The following SLC22A23 variants were observed in gnomAD, a reference collection of about 807,000 sequenced individuals.
The protein encoded by SLC22A23 is solute carrier family 22 member 23, also known as ion transporter protein.
Under a neutral mutation model 61.0 loss-of-function variants are expected in SLC22A23, and 26 were observed. That is an observed-to-expected ratio of 0.43 (90% CI 0.31 to 0.59). The LOEUF (loss-of-function observed/expected upper bound fraction) is 0.59. Among genes scored for constraint, SLC22A23 ranks in the 20% least tolerant of loss-of-function variants. The pLI is 0.11. For missense variants in SLC22A23, 796 were observed against 934.7 expected (o/e 0.85, Z 1.94); for synonymous variants, 430 against 413.9 (o/e 1.04, Z -0.47).
At chr6:3,337,035 T>C (rs1763897003) in intron 3 of SLC22A23, among the ~76,000 whole-genome samples, 1 of 152,330 alleles carries the variant, frequency 6.6e-6, no homozygotes, top group South Asian at 2.1e-4. Context: ...CTTGAACTCC[T>C]GAGCTCAAAC....
rs554426409 is a variant in SLC22A23, at chr6:3,274,132, T to C, written c.1704-720A>G. 5.7e-4 allele frequency among the ~76,000 whole-genome samples: 87 copies of C among 152,282 alleles called. 2 individuals carry two copies. In the South Asian group the frequency reaches 0.018, roughly 31 times the overall value. On this transcript the variant is annotated intron_variant, in intron 9 of 9. Transcript: ENST00000406686. ...AGCCATTGATTTCCACTCCCTGCCTTGTACGGGAGCAGCCAAGAGTCCCAG... is the reference window on the plus strand; with the variant it reads ...AGCCATTGATTTCCACTCCCTGCCTCGTACGGGAGCAGCCAAGAGTCCCAG...
intron 3 of SLC22A23, among the ~76,000 whole-genome samples, chr6:3,331,495 G>A (rs9503544): frequency 0.25 from 37,354 of 152,108 alleles, 5,929 homozygotes; most frequent in African/African-American, 0.44. Flanking sequence ...GGCACCCTAC[G>A]TGGGAACTCA....
chr6:3,368,069 T>C (rs1327912531), intron 3 of SLC22A23, among the ~76,000 whole-genome samples: 1 of 152,208 alleles, frequency 6.6e-6, no homozygotes, highest in Non-Finnish European at 1.5e-5. Flanking sequence ...GAGGGTGGCC[T>C]TGGGCTGGGA....
intron 3 of SLC22A23, among the ~76,000 whole-genome samples, chr6:3,380,441 C>T (rs1766884282): frequency 6.6e-6 from 1 of 152,128 alleles, no homozygotes; most frequent in Non-Finnish European, 1.5e-5. Context: ...ATCTGAGTGG[C>T]CCAACAATGG....
chr6:3,426,762 C>T (rs1480990093), intron 1 of SLC22A23, among the ~76,000 whole-genome samples: 1 of 152,198 alleles, frequency 6.6e-6, no homozygotes, highest in Non-Finnish European at 1.5e-5. Context: ...CTAACACCAA[C>T]CAGCTACAAA....
At chr6:3,437,531 A>T (rs60104123) in intron 1 of SLC22A23, among the ~76,000 whole-genome samples, 34,541 of 150,378 alleles carry the variant, frequency 0.23, 4,108 homozygotes, top group East Asian at 0.35. Flanking sequence ...AAAAAAAATT[A>T]AAAAAAAATT....
rs187121121 is a variant in SLC22A23, at chr6:3,437,558, A to G, written c.654+18348T>C. On this transcript the variant is annotated intron_variant, in intron 1 of 9. Transcript: ENST00000406686. ...AAAAAAATTAGTCAGGTGTGGTGGC[A>G]GGCGCCTGTAGTCCCAGGTACTCGG... Among the ~76,000 whole-genome samples the G allele has an allele frequency of 6.5e-4, 99 of 151,512 alleles. 2 individuals are homozygous for G. In the East Asian group the frequency reaches 0.014, roughly 22 times the overall value.
chr6:3,389,268 CAAAAAAAAA>C (rs61020784), intron 3 of SLC22A23, among the ~76,000 whole-genome samples: 2 of 32,600 alleles, frequency 6.1e-5, no homozygotes, highest in East Asian at 1.2e-3. Flanking sequence ...AACTCTGTCT[CAAAAAAAAA>C]AAAAAAAAAA....
At chr6:3,276,619 C>G (rs764449134) in intron 9 of SLC22A23, 2 of 152,480 alleles carry the variant, frequency 1.3e-5, no homozygotes, top group Non-Finnish European at 2.9e-5. Context: ...TCCCTCAGCT[C>G]TGTCTGGTGC....
At position 3,287,011 on chromosome 6, in the gene SLC22A23, A is replaced by G. The variant is rs1760076478; in HGVS notation, c.1394T>C (p.Phe465Ser). Residue 465 changes from phenylalanine (F) to serine (S), a missense_variant, in exon 7 of 10, where the codon TTC becomes TCC. Coordinates refer to ENST00000406686, the MANE Select transcript of SLC22A23 (RefSeq NM_015482.2). ...GGCCGTGGTATAGTAGTCAGCATAG[A>G]AGTTCTCCAGGAGCGGCACCTTCAC... is the stretch of plus-strand genomic sequence containing the variant. ...HEVKVPLLENFYADYYTTASI... is the reference protein window; with the variant it reads ...HEVKVPLLENSYADYYTTASI... The G allele has an allele frequency of 1.2e-6, 2 of 1,614,070 alleles. No individual in the cohort carries two copies. Among genetic ancestry groups the G allele is most frequent in the African/African-American group, 2.7e-5 (2 of 74,922 alleles).
chr6:3,434,674 A>T (rs1561980129), intron 1 of SLC22A23, among the ~76,000 whole-genome samples: 1 of 152,098 alleles, frequency 6.6e-6, no homozygotes, highest in Non-Finnish European at 1.5e-5. Context: ...TATCTGATGG[A>T]TTGCGAGGAG....
In SLC22A23 at chr6:3,455,893, C is replaced by T; in HGVS notation, c.654+13G>A. On this transcript the variant is annotated intron_variant, in intron 1 of 9. Transcript: ENST00000406686. ...GGAGAGGGTTGGAGGGACTGGGCGG[C>T]TGCGGCCCTTACCTTGCTGACCACG... 1 of 1,483,168 alleles carries T rather than the reference C, an allele frequency of 6.7e-7. No homozygotes were observed. Among genetic ancestry groups the T allele is most frequent in the Non-Finnish European group, 9.0e-7 (1 of 1,110,268 alleles). The allele number at this position is 1,483,168 out of a possible 1,614,324, so 91.9% of individuals were successfully genotyped here. A position where few individuals can be genotyped will look rare whatever the true frequency, so the allele number is the denominator to read the frequency against.
Position 3,387,801 on chromosome 6 carries a change from G to A in SLC22A23, c.913+22387C>T, listed in dbSNP as rs550939145. On this transcript the variant is annotated intron_variant, in intron 3 of 9. Coordinates refer to ENST00000406686, the MANE Select transcript of SLC22A23 (RefSeq NM_015482.2). The surrounding 1 kb of genome is among the most constrained non-coding windows in gnomAD (Gnocchi z 5.0). Reference sequence around the variant, plus strand: ...TGTATATTTCATTCAAAGAGTTAACGAAACCCAAGAGTCGTGGGCTTCTCT... The same window carrying A: ...TGTATATTTCATTCAAAGAGTTAACAAAACCCAAGAGTCGTGGGCTTCTCT... Among the ~76,000 whole-genome samples the A allele has an allele frequency of 2.0e-5, 3 of 152,236 alleles. No individual in the cohort carries two copies. Among genetic ancestry groups the A allele is most frequent in the African/African-American group, 7.2e-5 (3 of 41,560 alleles).
At chr6:3,429,847 G>A (rs1408313302) in intron 1 of SLC22A23, among the ~76,000 whole-genome samples, 2 of 152,184 alleles carry the variant, frequency 1.3e-5, no homozygotes, top group Non-Finnish European at 2.9e-5. Flanking sequence ...GCCTGGAGTA[G>A]TTAAATTCAT....
intron 1 of SLC22A23, among the ~76,000 whole-genome samples, chr6:3,432,766 A>T (rs1021447787): frequency 1.3e-5 from 2 of 152,236 alleles, no homozygotes; most frequent in African/African-American, 4.8e-5. Flanking sequence ...ATATGTTTAA[A>T]TATGGTGGAA....
At chr6:3,449,019 ACAGCTGG>A (rs1008320612) in intron 1 of SLC22A23, among the ~76,000 whole-genome samples, 1 of 152,252 alleles carries the variant, frequency 6.6e-6, no homozygotes, top group African/African-American at 2.4e-5. Context: ...AGGCTGCTTA[ACAGCTGG>A]CTAGCCTCTA....
At chr6:3,384,694 AAC>A (rs2127478497) in intron 3 of SLC22A23, among the ~76,000 whole-genome samples, 1 of 152,338 alleles carries the variant, frequency 6.6e-6, no homozygotes, top group East Asian at 1.9e-4. Flanking sequence ...GCCTCCAAAG[AAC>A]ACAGTGATTT....
intron 4 of SLC22A23, among the ~76,000 whole-genome samples, chr6:3,314,699 A>C (rs1762535509): frequency 6.6e-6 from 1 of 152,166 alleles, no homozygotes; most frequent in African/African-American, 2.4e-5. Flanking sequence ...GAGGCCATTT[A>C]AATGTTTTAT....
intron 3 of SLC22A23, among the ~76,000 whole-genome samples, chr6:3,406,137 T>C (rs1285389009): frequency 1.3e-5 from 2 of 152,034 alleles, no homozygotes; most frequent in Non-Finnish European, 2.9e-5. Flanking sequence ...GTGTAGCTGG[T>C]GGGGGGCAGT....
Sources: allele counts gnomAD v4.1 joint callset (sites outside exome capture counted in the v4.1 genomes callset), GRCh38; gene constraint gnomAD v4.1.1; non-coding constraint Gnocchi (gnomAD v3.1); transcripts MANE v1.5; gene names NCBI Gene and HGNC (gene_info 2026-07-23, HGNC 2026-07-21).